Variants in SNTG1 observed in about 807,000 individuals in gnomAD.
The protein encoded by SNTG1 is gamma-1-syntrophin.
A neutral mutation model predicts 74.7 loss-of-function variants in SNTG1; 39 were observed. The ratio of observed to expected loss-of-function variants is 0.52; its 90% CI spans 0.40 to 0.68. The LOEUF (loss-of-function observed/expected upper bound fraction) is 0.68, where lower values mean the gene tolerates loss of function less well. SNTG1 is among the 30% of genes least tolerant of loss of function. The pLI, the probability that SNTG1 is intolerant of heterozygous loss-of-function variation, is 0.00. For synonymous variants in SNTG1, 254 were observed against 217.1 expected (o/e 1.17, Z -1.49); for missense variants, 685 against 609.5 (o/e 1.12, Z -1.30).
intron 17 of SNTG1, among the ~76,000 whole-genome samples, chr8:50,740,041 C>G (rs948770778): frequency 6.6e-6 from 1 of 151,930 alleles, no homozygotes; most frequent in Non-Finnish European, 1.5e-5. Flanking sequence ...CTAGGCAATA[C>G]CATTCTAGAC....
intron 17 of SNTG1, among the ~76,000 whole-genome samples, chr8:50,734,480 A>G (rs2095520720): frequency 6.6e-6 from 1 of 151,180 alleles, no homozygotes; most frequent in African/African-American, 2.4e-5. Context: ...AAATTCTCCC[A>G]TCATTATTGA....
At chr8:50,488,496 T>A (rs541946505) in intron 8 of SNTG1, among the ~76,000 whole-genome samples, 8 of 152,284 alleles carry the variant, frequency 5.3e-5, no homozygotes, top group Admixed American at 3.9e-4. Flanking sequence ...CTATTTAAAA[T>A]AACTCTCCAC....
chr8:50,160,833 G>C (rs950028717), intron 1 of SNTG1, among the ~76,000 whole-genome samples: 2 of 152,108 alleles, frequency 1.3e-5, no homozygotes, highest in African/African-American at 4.8e-5. Flanking sequence ...CAGAACTTGG[G>C]CATAGAACAT....
intron 2 of SNTG1, among the ~76,000 whole-genome samples, chr8:50,182,754 G>A (rs1015781181): frequency 1.3e-5 from 2 of 151,976 alleles, no homozygotes; most frequent in African/African-American, 4.8e-5. Context: ...AGTTTCTGGA[G>A]TTTGAAAAAA....
intron 1 of SNTG1, among the ~76,000 whole-genome samples, chr8:49,934,461 G>T (rs1807881463): frequency 6.6e-6 from 1 of 152,032 alleles, no homozygotes; most frequent in Admixed American, 6.6e-5. Flanking sequence ...AAAGATTTCA[G>T]CCAATTTTCA....
intron 1 of SNTG1, among the ~76,000 whole-genome samples, chr8:49,933,103 T>A (rs1807743801): frequency 6.6e-6 from 1 of 152,192 alleles, no homozygotes. Flanking sequence ...AGTTTTTATG[T>A]GAACGTATGT....
intron 18 of SNTG1, among the ~76,000 whole-genome samples, chr8:50,767,212 T>C (rs922193601): frequency 6.6e-6 from 1 of 151,964 alleles, no homozygotes; most frequent in African/African-American, 2.4e-5. Context: ...AACCAGAGCT[T>C]ATTTAACAAG....
chr8:50,158,815 A>ATTTTTGT (rs1317646050), intron 1 of SNTG1, among the ~76,000 whole-genome samples: 1 of 152,064 alleles, frequency 6.6e-6, no homozygotes, highest in South Asian at 2.1e-4. Context: ...GTGTAAGAGG[A>ATTTTTGT]TTTTTGTTTT....
chr8:50,508,389 A>T (rs956206425), intron 9 of SNTG1, among the ~76,000 whole-genome samples: 1 of 152,174 alleles, frequency 6.6e-6, no homozygotes, highest in Non-Finnish European at 1.5e-5. Context: ...ATACGTGTGC[A>T]TGTGTCTTTA....
At chr8:50,601,214 G>C (rs2094772647) in intron 13 of SNTG1, among the ~76,000 whole-genome samples, 1 of 126,266 alleles carries the variant, frequency 7.9e-6, no homozygotes, top group South Asian at 2.6e-4. Flanking sequence ...CTATTTCTTT[G>C]AAGGCTTTTT....
chr8:50,189,498 A>G (rs1327710576), intron 2 of SNTG1, among the ~76,000 whole-genome samples: 1 of 152,164 alleles, frequency 6.6e-6, no homozygotes, highest in Non-Finnish European at 1.5e-5. Context: ...AGATGGAGAA[A>G]GAAGTGGATG....
intron 2 of SNTG1, among the ~76,000 whole-genome samples, chr8:50,339,662 G>A (rs1415548839): frequency 1.3e-5 from 2 of 151,742 alleles, no homozygotes; most frequent in South Asian, 2.1e-4. Flanking sequence ...TATACTAAGA[G>A]GGAAGTAAAA....
At chr8:50,359,050 G>T (rs915433337) in intron 2 of SNTG1, among the ~76,000 whole-genome samples, 8 of 152,142 alleles carry the variant, frequency 5.3e-5, no homozygotes, top group African/African-American at 1.7e-4. Context: ...AATGACAGGC[G>T]ACAGCAAATG....
intron 2 of SNTG1, among the ~76,000 whole-genome samples, chr8:50,285,173 C>T (rs2088697781): frequency 6.6e-6 from 1 of 152,092 alleles, no homozygotes; most frequent in African/African-American, 2.4e-5. Flanking sequence ...AGTTTCAGGC[C>T]AGCCGCCCTA....
At chr8:50,244,770 G>C (rs1380018338) in intron 2 of SNTG1, among the ~76,000 whole-genome samples, 3 of 152,108 alleles carry the variant, frequency 2.0e-5, no homozygotes, top group African/African-American at 7.2e-5. Flanking sequence ...GGTTAGTCAA[G>C]TGTCAAGATA....
chr8:50,539,394 C>G (rs1299162543), intron 11 of SNTG1, among the ~76,000 whole-genome samples: 2 of 152,098 alleles, frequency 1.3e-5, no homozygotes, highest in Non-Finnish European at 2.9e-5. Context: ...CCTACTGCAC[C>G]ATGCTGACAC....
chr8:50,307,540 A>G (rs1161044516), intron 2 of SNTG1, among the ~76,000 whole-genome samples: 1 of 151,958 alleles, frequency 6.6e-6, no homozygotes, highest in African/African-American at 2.4e-5. Flanking sequence ...TGTCTGAAAA[A>G]AGTATTTTAT....
chr8:50,769,697 T>C (rs897627197), intron 18 of SNTG1, among the ~76,000 whole-genome samples: 1 of 152,046 alleles, frequency 6.6e-6, no homozygotes, highest in Non-Finnish European at 1.5e-5. Context: ...CATGCCACCT[T>C]AACATTTATG....
chr8:49,960,795 C>G (rs1810610442), intron 1 of SNTG1, among the ~76,000 whole-genome samples: 1 of 152,052 alleles, frequency 6.6e-6, no homozygotes, highest in South Asian at 2.1e-4. Context: ...CTGTATTTAC[C>G]TCAGATAGAG....
Sources: allele counts gnomAD v4.1 joint callset (sites outside exome capture counted in the v4.1 genomes callset), GRCh38; gene constraint gnomAD v4.1.1; transcripts MANE v1.5; gene names NCBI Gene and HGNC (gene_info 2026-07-23, HGNC 2026-07-21).